Variants in RMDN1 observed in about 807,000 individuals in gnomAD.
RMDN1 encodes the protein regulator of microtubule dynamics 1.
A neutral mutation model predicts 48.9 loss-of-function variants in RMDN1; 48 were observed. That is an observed-to-expected ratio of 0.98 (90% confidence interval 0.78 to 1.25). The LOEUF (loss-of-function observed/expected upper bound fraction) is 1.25. RMDN1 is among the 50% of genes most tolerant of loss of function. The pLI is 0.00. For missense variants in RMDN1, 418 were observed against 373.4 expected, an observed-to-expected ratio of 1.12 and a Z score of -0.98; for synonymous variants, 148 against 132.6, an observed-to-expected ratio of 1.12 and a Z score of -0.80.
intron 8 of RMDN1, 69 bp downstream of exon 8, chr8:86,477,225 T>C: frequency 1.8e-6 from 2 of 1,113,286 alleles, no homozygotes; most frequent in Non-Finnish European, 2.6e-6. Flanking sequence ...TAGACATTGC[T>C]ATTATAGTAT....
Position 86,508,659 on chromosome 8 carries a change from C to T in RMDN1, c.-39G>A, listed in dbSNP as rs752863253. 35 of 1,561,330 alleles carry T rather than the reference C, an allele frequency of 2.2e-5. No individual in the cohort carries two copies. Among genetic ancestry groups the T allele is most frequent in the Middle Eastern group, 1.8e-4 (1 of 5,572 alleles). On this transcript the variant is annotated 5_prime_UTR_variant, in exon 1 of 10. Transcript: ENST00000406452. The stretch of plus-strand genomic sequence containing the variant: ...CGGGCTGACCCTGCACTACTTCAGG[C>T]AGCTACGGAGGCGGGCGGGGCTAAA...
At chr8:86,506,264 T>C (rs892004175) in intron 2 of RMDN1, among the ~76,000 whole-genome samples, 4 of 152,236 alleles carry the variant, frequency 2.6e-5, no homozygotes, top group African/African-American at 9.6e-5. Flanking sequence ...TTTTAACTCA[T>C]ATCTTTAAAG....
At position 86,486,501 on chromosome 8, in the gene RMDN1, T is replaced by C; in HGVS notation, c.478A>G (p.Ser160Gly). ...AKRALEKNES[S>G]FASHKWYAIC... ...CAACTCACCTTATGAGATGCAAAACTTGATTCATTTTTTTCTAGTGCTCTT... is the reference window on the plus strand; with the variant it reads ...CAACTCACCTTATGAGATGCAAAACCTGATTCATTTTTTTCTAGTGCTCTT... Residue 160 changes from serine (S) to glycine (G), a missense_variant, in exon 4 of 10, where the codon AGT (serine) becomes GGT (glycine). Transcript: ENST00000406452. The C allele has an allele frequency of 8.1e-6, 13 of 1,598,664 alleles. No homozygotes were observed. Among genetic ancestry groups the C allele is most frequent in the Non-Finnish European group, 1.1e-5 (13 of 1,170,514 alleles).
At chr8:86,507,587 G>A (rs375398747) in intron 1 of RMDN1, among the ~76,000 whole-genome samples, 1 of 152,096 alleles carries the variant, frequency 6.6e-6, no homozygotes, top group South Asian at 2.1e-4. Context: ...CAATCCTTCC[G>A]CCTCGGCTTC....
intron 7 of RMDN1, 49 bp downstream of exon 7, chr8:86,478,874 C>T (rs1813850428): frequency 2.1e-6 from 3 of 1,414,718 alleles, no homozygotes; most frequent in South Asian, 1.2e-5. Flanking sequence ...GGTAGAATGG[C>T]GCTGTGGTTA....
Position 86,472,709 on chromosome 8 carries a change from T to G in RMDN1, c.*1599A>C. ...GTGCGAGTTATGTCATATTTTTTAC[T>G]GTTAAGTACTTATGCATGAATAAGT... On this transcript the variant is annotated 3_prime_UTR_variant, in exon 10 of 10. Transcript: ENST00000406452. The G allele has an allele frequency of 2.0e-6, 1 of 512,182 alleles. No individual in the cohort carries two copies. The highest frequency in any genetic ancestry group is 3.1e-5 in the East Asian group (1 of 31,864). 31.7% of individuals were successfully genotyped at this position (512,182 alleles called of 1,614,324 possible).
intron 2 of RMDN1, among the ~76,000 whole-genome samples, chr8:86,500,931 AAATT>A (rs1303427725): frequency 6.6e-6 from 1 of 152,220 alleles, no homozygotes; most frequent in Non-Finnish European, 1.5e-5. Flanking sequence ...TATCCCAAGC[AAATT>A]AATATGGGAA....
Position 86,474,304 on chromosome 8 carries a change from G to A in RMDN1, c.*4C>T. On this transcript the variant is annotated 3_prime_UTR_variant, in exon 10 of 10. Coordinates refer to ENST00000406452, the MANE Select transcript of RMDN1 (RefSeq NM_016033.3). Reference sequence around the variant, plus strand: ...CTATTTCATAAATCTTCTCTGAAAAGTTCTCAATTCTTCTCACTGAAACTT... The same window carrying A: ...CTATTTCATAAATCTTCTCTGAAAAATTCTCAATTCTTCTCACTGAAACTT... The A allele has an allele frequency of 6.2e-7, 1 of 1,613,428 alleles. No individual in the cohort carries two copies. Among genetic ancestry groups the A allele is most frequent in the Non-Finnish European group, 8.5e-7 (1 of 1,179,762 alleles).
intron 1 of RMDN1, 44 bp downstream of exon 1, chr8:86,508,448 A>G: frequency 6.6e-7 from 1 of 1,523,188 alleles, no homozygotes; most frequent in Non-Finnish European, 8.8e-7. Context: ...GCCGGAACCC[A>G]CTGAGTAGGA....
intron 2 of RMDN1, among the ~76,000 whole-genome samples, chr8:86,498,638 AG>A (rs367973558): frequency 1.4e-3 from 219 of 151,138 alleles, no homozygotes; most frequent in African/African-American, 5.0e-3. Flanking sequence ...AAAATTACCC[AG>A]GCGTAGTGGT....
At chr8:86,485,027 T>A in intron 4 of RMDN1, 66 bp from the exon 5 acceptor site, 3 of 872,500 alleles carry the variant, frequency 3.4e-6, no homozygotes, top group Non-Finnish European at 5.3e-6. Flanking sequence ...AAGGTAAAAC[T>A]GTATAATATT....
At chr8:86,490,246 C>T (rs1816270929) in intron 2 of RMDN1, among the ~76,000 whole-genome samples, 2 of 152,068 alleles carry the variant, frequency 1.3e-5, no homozygotes, top group Admixed American at 1.3e-4. Flanking sequence ...AATCTTAATC[C>T]CTGGAATCTG....
intron 2 of RMDN1, among the ~76,000 whole-genome samples, chr8:86,501,569 A>G (rs1424550680): frequency 6.6e-6 from 1 of 151,962 alleles, no homozygotes; most frequent in Non-Finnish European, 1.5e-5. Flanking sequence ...GCTACTTGTG[A>G]GGCTGAGGTG....
intron 4 of RMDN1, among the ~76,000 whole-genome samples, chr8:86,485,969 G>A (rs958916069): frequency 6.6e-6 from 1 of 152,106 alleles, no homozygotes; most frequent in African/African-American, 2.4e-5. Flanking sequence ...GAAGGCTAAT[G>A]ACCACCTCGT....
At chr8:86,509,795 A>G (rs189130410), upstream of RMDN1, among the ~76,000 whole-genome samples, 2 of 152,292 alleles carry the variant, frequency 1.3e-5, no homozygotes, top group East Asian at 3.9e-4. Flanking sequence ...GTCCCATTAA[A>G]TCAGCTGTAT....
chr8:86,493,447 A>T (rs1816834780), intron 2 of RMDN1, among the ~76,000 whole-genome samples: 1 of 152,158 alleles, frequency 6.6e-6, no homozygotes, highest in African/African-American at 2.4e-5. Flanking sequence ...AGATGAATGG[A>T]TTAAACAAAA....
chr8:86,480,033 A>G (rs1814091475), intron 6 of RMDN1, among the ~76,000 whole-genome samples: 1 of 152,152 alleles, frequency 6.6e-6, no homozygotes, highest in African/African-American at 2.4e-5. Flanking sequence ...AAATAAGAAT[A>G]GTCTTTTCAG....
intron 2 of RMDN1, among the ~76,000 whole-genome samples, chr8:86,495,659 G>A (rs1436078201): frequency 2.0e-5 from 3 of 152,096 alleles, no homozygotes; most frequent in African/African-American, 7.2e-5. Flanking sequence ...CAGCTGTCCT[G>A]GTGAAACACT....
At chr8:86,485,797 C>T (rs1815368617) in intron 4 of RMDN1, among the ~76,000 whole-genome samples, 1 of 151,954 alleles carries the variant, frequency 6.6e-6, no homozygotes, top group Admixed American at 6.6e-5. Context: ...TGGAAAGTCA[C>T]AAGACTTAGG....
Sources: allele counts gnomAD v4.1 joint callset (sites outside exome capture counted in the v4.1 genomes callset), GRCh38; gene constraint gnomAD v4.1.1; transcripts MANE v1.5; gene names NCBI Gene and HGNC (gene_info 2026-07-23, HGNC 2026-07-21).